LRRC4C: variants seen among roughly 807,000 people sequenced by gnomAD.
LRRC4C encodes the protein leucine rich repeat containing 4C.
In LRRC4C, 5 loss-of-function variants were observed where a neutral mutation model predicts 33.6. That is an observed-to-expected ratio of 0.15 (90% CI 0.08 to 0.31). The LOEUF is 0.31. LRRC4C is among the 10% of genes least tolerant of loss of function. LRRC4C has a pLI of 1.00. For synonymous variants in LRRC4C, 329 were observed against 302.0 expected, an observed-to-expected ratio of 1.09 and a Z score of -0.93; for missense variants, 560 against 796.7, an observed-to-expected ratio of 0.70 and a Z score of 3.58.
Position 40,326,833 on chromosome 11 carries a change from G to C in LRRC4C, c.-269-7112C>G, listed in dbSNP as rs1170399747. ...GAGCAATTGATCTGAGTTTTTTAAA[G>C]ATGATAATAACCAGTGTGTAGAAAA... On this transcript the variant is annotated intron_variant, in intron 3 of 6. Coordinates refer to ENST00000528697, the MANE Select transcript of LRRC4C (RefSeq NM_001258419.2). Among the ~76,000 whole-genome samples, 3 of 152,156 alleles carry C rather than the reference G, an allele frequency of 2.0e-5. No homozygotes were observed. The East Asian group carries it at 5.8e-4, about 29-fold the overall frequency.
At chr11:40,150,516 A>T (rs1858106837) in intron 5 of LRRC4C, among the ~76,000 whole-genome samples, 1 of 152,242 alleles carries the variant, frequency 6.6e-6, no homozygotes, top group African/African-American at 2.4e-5. Flanking sequence ...TTGCGGTAGC[A>T]TGATCATAGC....
intron 1 of LRRC4C, among the ~76,000 whole-genome samples, chr11:40,984,395 GAA>G (rs1173264488): frequency 4.0e-4 from 34 of 85,462 alleles, no homozygotes; most frequent in African/African-American, 1.2e-3. Context: ...AAGAAAGAAA[GAA>G]AGAAAGAAAG....
intron 3 of LRRC4C, among the ~76,000 whole-genome samples, chr11:40,368,556 GT>G (rs1383456013): frequency 6.6e-6 from 1 of 152,136 alleles, no homozygotes; most frequent in Non-Finnish European, 1.5e-5. Context: ...AGGGCTTCCA[GT>G]TCCTGACTTC....
chr11:41,256,765 T>C (rs762528380), intron 1 of LRRC4C, among the ~76,000 whole-genome samples: 15 of 152,008 alleles, frequency 9.9e-5, no homozygotes, highest in Non-Finnish European at 1.8e-4. Context: ...TACAACAATT[T>C]AAGGCCATAG....
At chr11:40,785,725 A>G (rs1348118799) in intron 2 of LRRC4C, among the ~76,000 whole-genome samples, 1 of 152,214 alleles carries the variant, frequency 6.6e-6, no homozygotes, top group African/African-American at 2.4e-5. Context: ...CTGGGGAAAC[A>G]GCTTCAAATT....
At chr11:41,458,902 T>C (rs947543349) in intron 1 of LRRC4C, among the ~76,000 whole-genome samples, 1 of 152,074 alleles carries the variant, frequency 6.6e-6, no homozygotes, top group Non-Finnish European at 1.5e-5. Context: ...GCAGCTTTTC[T>C]GTATTCCACG....
intron 2 of LRRC4C, among the ~76,000 whole-genome samples, chr11:40,764,541 C>T (rs1949362196): frequency 2.0e-5 from 3 of 152,144 alleles, no homozygotes; most frequent in Admixed American, 1.3e-4. Flanking sequence ...AGAGAGCTTA[C>T]CGCCTTGAAG....
chr11:40,318,606 A>G (rs1420596103), intron 4 of LRRC4C, among the ~76,000 whole-genome samples: 2 of 152,156 alleles, frequency 1.3e-5, no homozygotes, highest in Non-Finnish European at 2.9e-5. Context: ...TGTTTTTACC[A>G]ATAAATAAAT....
At chr11:40,966,234 A>C (rs1184017194) in intron 1 of LRRC4C, among the ~76,000 whole-genome samples, 1 of 151,988 alleles carries the variant, frequency 6.6e-6, no homozygotes, top group African/African-American at 2.4e-5. Flanking sequence ...GAATAGGTAC[A>C]CTTTACCTAT....
At position 40,890,555 on chromosome 11, in the gene LRRC4C, C is replaced by T. The variant is rs969476125; in HGVS notation, c.-407+43080G>A. ...TTGGAGACGTATTTAAACCATAGCA[C>T]TGCTGCATACATTATTTGAGCAATT... is the stretch of plus-strand genomic sequence containing the variant. On this transcript the variant is annotated intron_variant, in intron 2 of 6. Transcript: ENST00000528697. 5.9e-5 allele frequency among the ~76,000 whole-genome samples: 9 copies of T among 152,264 alleles called. No homozygotes were observed. In the East Asian group the frequency reaches 1.7e-3, roughly 29 times the overall value.
chr11:40,710,478 G>A (rs575936132), intron 2 of LRRC4C, among the ~76,000 whole-genome samples: 40 of 149,654 alleles, frequency 2.7e-4, no homozygotes, highest in Non-Finnish European at 4.6e-4. Context: ...GGAGTTTGCT[G>A]GAGGTCCACT....
intron 3 of LRRC4C, among the ~76,000 whole-genome samples, chr11:40,455,232 C>A (rs1386555581): frequency 6.6e-6 from 1 of 152,108 alleles, no homozygotes; most frequent in Non-Finnish European, 1.5e-5. Flanking sequence ...TGCAGAGTGC[C>A]ATTTAAACAG....
intron 1 of LRRC4C, among the ~76,000 whole-genome samples, chr11:41,457,245 G>C (rs1956198233): frequency 6.6e-6 from 1 of 152,126 alleles, no homozygotes; most frequent in South Asian, 2.1e-4. Context: ...AATGGAGAGA[G>C]GTACTAATTT....
intron 2 of LRRC4C, among the ~76,000 whole-genome samples, chr11:40,659,955 C>T (rs1446642036): frequency 6.6e-6 from 1 of 152,212 alleles, no homozygotes; most frequent in African/African-American, 2.4e-5. Context: ...GAAACATACC[C>T]CCCTGCTCAT....
intron 5 of LRRC4C, among the ~76,000 whole-genome samples, chr11:40,183,362 GA>G (rs1189019265): frequency 6.6e-6 from 1 of 152,064 alleles, no homozygotes; most frequent in Non-Finnish European, 1.5e-5. Flanking sequence ...CTGTTTGGGG[GA>G]AAAAATAACT....
At chr11:40,794,117 T>C (rs990261619) in intron 2 of LRRC4C, among the ~76,000 whole-genome samples, 5 of 152,112 alleles carry the variant, frequency 3.3e-5, no homozygotes, top group Non-Finnish European at 7.4e-5. Flanking sequence ...CTGTCTGAAT[T>C]AATGACCAAC....
chr11:40,973,367 A>G (rs991369482), intron 1 of LRRC4C, among the ~76,000 whole-genome samples: 2 of 152,192 alleles, frequency 1.3e-5, no homozygotes, highest in African/African-American at 4.8e-5. Flanking sequence ...AACAAACAAA[A>G]ACCAAAAAAA....
intron 3 of LRRC4C, among the ~76,000 whole-genome samples, chr11:40,405,141 C>CTT (rs534979546): frequency 4.1e-5 from 6 of 145,652 alleles, no homozygotes; most frequent in African/African-American, 1.5e-4. Flanking sequence ...TATATTTGAA[C>CTT]TTTTTTTTTT....
chr11:41,010,047 G>T (rs1257079944), intron 1 of LRRC4C, among the ~76,000 whole-genome samples: 3 of 152,074 alleles, frequency 2.0e-5, no homozygotes, highest in African/African-American at 4.8e-5. Flanking sequence ...ATAAGACAAA[G>T]AATGCCAAAA....
Sources: allele counts gnomAD v4.1 joint callset (sites outside exome capture counted in the v4.1 genomes callset), GRCh38; gene constraint gnomAD v4.1.1; transcripts MANE v1.5; gene names NCBI Gene and HGNC (gene_info 2026-07-23, HGNC 2026-07-21).